MSRA: variants seen among roughly 807,000 people sequenced by gnomAD.
MSRA encodes methionine sulfoxide reductase A, also known as mitochondrial peptide methionine sulfoxide reductase.
A neutral mutation model predicts 31.3 loss-of-function variants in MSRA; 54 were observed. That is an observed-to-expected ratio of 1.73 (90% CI 1.39 to 2.17). The LOEUF (loss-of-function observed/expected upper bound fraction) is 2.17, where lower values mean the gene tolerates loss of function less well. MSRA is among the 30% of genes most tolerant of loss of function. MSRA has a pLI of 0.00. For missense variants in MSRA, 507 were observed against 300.9 expected (o/e 1.69, Z -5.07); for synonymous variants, 169 against 116.5 (o/e 1.45, Z -2.90).
chr8:10,101,167 G>A (rs376196427), intron 1 of MSRA, among the ~76,000 whole-genome samples: 1 of 152,144 alleles, frequency 6.6e-6, no homozygotes, highest in East Asian at 1.9e-4. Flanking sequence ...CAATTTTTTG[G>A]TTGTGGGACT....
At chr8:10,356,910 ATAT>A (rs1434358160) in intron 5 of MSRA, among the ~76,000 whole-genome samples, 82 of 55,862 alleles carry the variant, frequency 1.5e-3, no homozygotes, top group African/African-American at 4.0e-3. Context: ...AAAAAAAAAA[ATAT>A]ATGTGTCTTT....
intron 1 of MSRA, among the ~76,000 whole-genome samples, chr8:10,090,377 A>G (rs1798795823): frequency 6.6e-6 from 1 of 152,218 alleles, no homozygotes; most frequent in African/African-American, 2.4e-5. Flanking sequence ...CACTAGAATT[A>G]GCTGGGCAGA....
intron 2 of MSRA, among the ~76,000 whole-genome samples, chr8:10,234,865 T>C (rs1424807191): frequency 6.6e-6 from 1 of 151,944 alleles, no homozygotes; most frequent in Non-Finnish European, 1.5e-5. Context: ...ACAAAAGGAA[T>C]AGTAGCAAGA....
chr8:10,196,340 G>T (rs1247393400), intron 1 of MSRA, among the ~76,000 whole-genome samples: 1 of 152,104 alleles, frequency 6.6e-6, no homozygotes, highest in East Asian at 1.9e-4. Flanking sequence ...TATGACTTGG[G>T]TGATAGGATG....
At chr8:10,122,366 C>T (rs770295866) in intron 1 of MSRA, among the ~76,000 whole-genome samples, 4 of 152,200 alleles carry the variant, frequency 2.6e-5, no homozygotes, top group Non-Finnish European at 5.9e-5. Context: ...AGTGTGGAAG[C>T]TGTCCCCAAG....
chr8:10,390,254 G>C (rs929105789), intron 5 of MSRA, among the ~76,000 whole-genome samples: 2 of 152,208 alleles, frequency 1.3e-5, no homozygotes, highest in South Asian at 4.1e-4. Flanking sequence ...GCAGCCCTGA[G>C]AGGAGGGGGT....
intron 5 of MSRA, among the ~76,000 whole-genome samples, chr8:10,408,366 G>A (rs1807950233): frequency 6.6e-6 from 1 of 152,056 alleles, no homozygotes; most frequent in Non-Finnish European, 1.5e-5. Context: ...GTGAAACCCT[G>A]TCTCTACCAA....
chr8:10,376,085 C>G (rs1377965452), intron 5 of MSRA, among the ~76,000 whole-genome samples: 2 of 152,136 alleles, frequency 1.3e-5, no homozygotes, highest in Non-Finnish European at 2.9e-5. Flanking sequence ...GTTCAGCCTT[C>G]TCTTAGCAAA....
chr8:10,252,385 G>T (rs1327512998), intron 3 of MSRA, among the ~76,000 whole-genome samples: 1 of 152,136 alleles, frequency 6.6e-6, no homozygotes, highest in Non-Finnish European at 1.5e-5. Context: ...TTTGTCATTT[G>T]GTTCCTGTTT....
At chr8:10,233,322 G>T (rs1033358227) in intron 2 of MSRA, among the ~76,000 whole-genome samples, 1 of 152,110 alleles carries the variant, frequency 6.6e-6, no homozygotes, top group Non-Finnish European at 1.5e-5. Flanking sequence ...AAATGAGCCT[G>T]CAAACTCAAA....
chr8:10,146,992 G>C (rs779568884), intron 1 of MSRA, among the ~76,000 whole-genome samples: 3 of 152,360 alleles, frequency 2.0e-5, no homozygotes, highest in Admixed American at 6.5e-5. Flanking sequence ...TGGAAGCTGG[G>C]ACGCCAGCTG....
chr8:10,283,834 TATACAC>T (rs1261283893), intron 3 of MSRA, among the ~76,000 whole-genome samples: 4 of 71,078 alleles, frequency 5.6e-5, no homozygotes, highest in Non-Finnish European at 7.9e-5. Flanking sequence ...TATATATATA[TATACAC>T]ACACACACAC....
At chr8:10,123,000 C>T (rs921175130) in intron 1 of MSRA, among the ~76,000 whole-genome samples, 12 of 152,188 alleles carry the variant, frequency 7.9e-5, no homozygotes, top group Non-Finnish European at 1.5e-4. Context: ...CATATATGTG[C>T]ATGTGTCTAT....
chr8:10,183,651 C>T (rs1443043903), intron 1 of MSRA, among the ~76,000 whole-genome samples: 1 of 152,196 alleles, frequency 6.6e-6, no homozygotes, highest in East Asian at 1.9e-4. Flanking sequence ...TTTGTCCCCA[C>T]ACTTTCTTTT....
intron 5 of MSRA, among the ~76,000 whole-genome samples, chr8:10,326,051 G>C (rs1802345485): frequency 6.6e-6 from 1 of 152,136 alleles, no homozygotes; most frequent in African/African-American, 2.4e-5. Flanking sequence ...CAGAAGGCTT[G>C]GTGTTTCTGG....
intron 1 of MSRA, among the ~76,000 whole-genome samples, chr8:10,081,436 G>A (rs369867938): frequency 1.6e-4 from 24 of 152,134 alleles, no homozygotes; most frequent in African/African-American, 5.5e-4. Context: ...GATTACTTCC[G>A]CCTCAAGGTT....
intron 5 of MSRA, among the ~76,000 whole-genome samples, chr8:10,379,686 C>G (rs1291903785): frequency 6.6e-6 from 1 of 152,114 alleles, no homozygotes; most frequent in Non-Finnish European, 1.5e-5. Flanking sequence ...GTTCTGGGGC[C>G]ACGTACATAA....
At chr8:10,088,970 G>A (rs1007342890) in intron 1 of MSRA, among the ~76,000 whole-genome samples, 23 of 152,166 alleles carry the variant, frequency 1.5e-4, no homozygotes, top group African/African-American at 4.8e-4. Flanking sequence ...ATAAAGCAGT[G>A]GTTTCCATGG....
At chr8:10,335,738 G>A (rs961834791) in intron 5 of MSRA, among the ~76,000 whole-genome samples, 1 of 152,216 alleles carries the variant, frequency 6.6e-6, no homozygotes, top group South Asian at 2.1e-4. Context: ...GGCACCCACT[G>A]CGATTTGGCT....
Sources: allele counts gnomAD v4.1 joint callset (sites outside exome capture counted in the v4.1 genomes callset), GRCh38; gene constraint gnomAD v4.1.1; transcripts MANE v1.5; gene names NCBI Gene and HGNC (gene_info 2026-07-23, HGNC 2026-07-21).